Variants in MYO3A observed in about 807,000 individuals in gnomAD.
The protein encoded by MYO3A is myosin IIIA, also known as myosin-IIIa.
MYO3A carries 180 observed loss-of-function variants against 192.7 expected under a neutral mutation model. That is an observed-to-expected ratio of 0.93 (90% CI 0.83 to 1.06). The LOEUF is 1.06. MYO3A is among the 50% of genes least tolerant of loss of function. The probability of loss-of-function intolerance (pLI) is 0.00; values close to 1 mark genes in which losing one functional copy is unlikely to be tolerated. For synonymous variants in MYO3A, 628 were observed against 645.3 expected (o/e 0.97, Z 0.41); for missense variants, 1,896 against 1,905.0 (o/e 1.00, Z 0.09).
chr10:25,967,953 T>C (rs1838362983), intron 4 of MYO3A, among the ~76,000 whole-genome samples: 1 of 152,156 alleles, frequency 6.6e-6, no homozygotes, highest in South Asian at 2.1e-4. Context: ...TATGAGACAT[T>C]ACCTAGTAGT....
At chr10:26,193,084 C>G (rs1843228794) in intron 31 of MYO3A, 121 bp from the exon 32 acceptor site, 1 of 830,648 alleles carries the variant, frequency 1.2e-6, no homozygotes, top group African/African-American at 1.7e-5. Flanking sequence ...AACGTATTTC[C>G]TTTTTCTCCA....
chr10:26,165,876 A>G (rs1841716130), intron 26 of MYO3A, 191 bp from the exon 27 acceptor site: 1 of 662,736 alleles, frequency 1.5e-6, no homozygotes. Context: ...ATTTATACAG[A>G]CTGGACTGGG....
intron 15 of MYO3A, among the ~76,000 whole-genome samples, chr10:26,091,439 G>A (rs974594075): frequency 2.0e-5 from 3 of 152,104 alleles, no homozygotes; most frequent in Admixed American, 6.5e-5. Context: ...CCTATTGAAG[G>A]CAATGCTAGA....
intron 32 of MYO3A, among the ~76,000 whole-genome samples, chr10:26,196,195 T>TG (rs1305932875): frequency 6.6e-6 from 1 of 152,232 alleles, no homozygotes; most frequent in Non-Finnish European, 1.5e-5. Context: ...ACATTCCCTA[T>TG]TAACCCTGAG....
chr10:26,037,561 C>A (rs1843104542), intron 10 of MYO3A, among the ~76,000 whole-genome samples: 1 of 151,904 alleles, frequency 6.6e-6, no homozygotes. Flanking sequence ...ATATGTATAC[C>A]CAGTTTTCCC....
intron 22 of MYO3A, among the ~76,000 whole-genome samples, 196 bp from the exon 23 acceptor site, chr10:26,147,234 A>T (rs1444760830): frequency 1.5e-5 from 1 of 65,088 alleles, no homozygotes; most frequent in Non-Finnish European, 3.4e-5. Context: ...TGAGACACAG[A>T]TGATAAGGAG....
chr10:25,981,852 T>TC (rs1839347938), intron 4 of MYO3A, among the ~76,000 whole-genome samples: 1 of 152,188 alleles, frequency 6.6e-6, no homozygotes, highest in South Asian at 2.1e-4. Flanking sequence ...GAAGTTTTAC[T>TC]CCAAGAACTA....
At chr10:26,053,559 C>G (rs1383259589) in intron 10 of MYO3A, among the ~76,000 whole-genome samples, 1 of 152,202 alleles carries the variant, frequency 6.6e-6, no homozygotes, top group Non-Finnish European at 1.5e-5. Context: ...GGCACGGTGG[C>G]TCACCCCTGT....
chr10:26,201,101 A>G, intron 32 of MYO3A, 164 bp from the exon 33 acceptor site: 1 of 314,092 alleles, frequency 3.2e-6, no homozygotes, highest in Non-Finnish European at 5.9e-6. Context: ...ATAAAACTTG[A>G]GTAAATTATA....
chr10:25,954,793 T>C lies in MYO3A; in HGVS notation c.169-81T>C, dbSNP rs540276445. On this transcript the variant is annotated intron_variant, in intron 3 of 34. Coordinates refer to ENST00000642920, the MANE Select transcript of MYO3A (RefSeq NM_017433.5). ...ATGACCTTGACATAATGAAATTCTG[T>C]ATTTGGTATTCTATAATCTGTTTCT... 318 of 1,403,578 alleles carry C rather than the reference T, an allele frequency of 2.3e-4. 1 individual carries two copies. Among genetic ancestry groups the C allele is most frequent in the Middle Eastern group, 1.2e-3 (5 of 4,086 alleles). 86.9% of individuals were successfully genotyped at this position (1,403,578 alleles called of 1,614,324 possible). A position where few individuals can be genotyped will look rare whatever the true frequency, so the allele number is the denominator to read the frequency against.
rs150893642 is a variant in MYO3A, at chr10:26,176,994, CAGTTTTTTT to C, written c.4438+152_4438+160del. 6.1e-3 allele frequency: 5,615 copies of C among 925,896 alleles called. 23 individuals carry two copies. Among genetic ancestry groups the C allele is most frequent in the Non-Finnish European group, 7.1e-3 (4,289 of 606,638 alleles). 57.4% of individuals were successfully genotyped at this position (925,896 alleles called of 1,614,324 possible). The stretch of plus-strand genomic sequence containing the variant: ...TTATTTCATTTCTTATATGGAGATA[CAGTTTTTTT>C]AGGATGTTCTACCCACTTTCTACCT... On this transcript the variant is annotated intron_variant, in intron 31 of 34. Transcript: ENST00000642920.
At position 26,143,572 on chromosome 10, in the gene MYO3A, T is replaced by G. The variant is rs1840290520; in HGVS notation, c.2387T>G (p.Phe796Cys). 5.0e-6 allele frequency: 8 copies of G among 1,613,966 alleles called. No homozygotes were observed. The highest frequency in any genetic ancestry group is 6.8e-6 in the Non-Finnish European group (8 of 1,179,986). Residue 796 changes from phenylalanine to cysteine, a missense_variant, in exon 21 of 35, where the codon TTT (phenylalanine) becomes TGT (cysteine). Transcript: ENST00000642920. Reference sequence around the variant, plus strand: ...TCCCTACTTGATGAAGAAAGTAGATTTCCCAAGGCCACTGACCAGACTCTT... The same window carrying G: ...TCCCTACTTGATGAAGAAAGTAGATGTCCCAAGGCCACTGACCAGACTCTT... ...LLSLLDEESR[F>C]PKATDQTLVE... is the part of the protein sequence containing the mutation.
intron 17 of MYO3A, among the ~76,000 whole-genome samples, chr10:26,103,371 A>C (rs1588961102): frequency 6.6e-6 from 1 of 151,838 alleles, no homozygotes; most frequent in Admixed American, 6.6e-5. Flanking sequence ...TTCAGCTCAC[A>C]CTCCGTGGGC....
intron 2 of MYO3A, among the ~76,000 whole-genome samples, chr10:25,941,335 G>A (rs1420522921): frequency 2.0e-5 from 3 of 152,168 alleles, no homozygotes; most frequent in Non-Finnish European, 4.4e-5. Context: ...AGCAAAGAAA[G>A]CAGAGGAAAA....
intron 4 of MYO3A, among the ~76,000 whole-genome samples, chr10:25,995,975 G>C (rs182966900): frequency 2.6e-5 from 4 of 152,354 alleles, no homozygotes; most frequent in African/African-American, 9.6e-5. Flanking sequence ...GAGGCAGTCT[G>C]TCCGTTCTCA....
Position 26,203,126 on chromosome 10 carries a change from A to G in MYO3A, c.4730+19A>G. On this transcript the variant is annotated intron_variant, in intron 34 of 34. Coordinates refer to ENST00000642920, the MANE Select transcript of MYO3A (RefSeq NM_017433.5). ...ATGAAAGGTAAAAAGCTAAACTTTA[A>G]AGTACATCATTTGCAGTTTTATACT... 1 of 1,611,716 alleles carries G rather than the reference A, an allele frequency of 6.2e-7. No individual in the cohort carries two copies. Among genetic ancestry groups the G allele is most frequent in the Non-Finnish European group, 8.5e-7 (1 of 1,178,282 alleles).
chr10:26,176,680 G>T, intron 30 of MYO3A, 21 bp from the exon 31 acceptor site: 1 of 1,601,820 alleles, frequency 6.2e-7, no homozygotes, highest in South Asian at 1.1e-5. Flanking sequence ...GATTTAACCT[G>T]ACACATGACC....
At chr10:25,955,036 G>A (rs1375010891) in intron 4 of MYO3A, 28 bp downstream of exon 4, 1 of 1,610,614 alleles carries the variant, frequency 6.2e-7, no homozygotes, top group Non-Finnish European at 8.5e-7. Context: ...ATTTGTATGG[G>A]TGGAAACTTA....
chr10:26,124,975 GAAGTCTA>G (rs1340271076), intron 18 of MYO3A, among the ~76,000 whole-genome samples: 1 of 152,148 alleles, frequency 6.6e-6, no homozygotes, highest in Admixed American at 6.5e-5. Context: ...GTATACCCCT[GAAGTCTA>G]AGTAACCTGT....
Sources: gnomAD v4.1 joint callset for allele counts (sites outside exome capture counted in the v4.1 genomes callset) on GRCh38, gnomAD v4.1.1 for gene constraint, MANE v1.5 for transcripts, NCBI Gene and HGNC (gene_info 2026-07-23, HGNC 2026-07-21) for gene names.